Variants in RORA observed in about 807,000 individuals in gnomAD.
RORA encodes the protein nuclear receptor ROR-alpha.
A neutral mutation model predicts 69.5 loss-of-function variants in RORA; 7 were observed. The ratio of observed to expected loss-of-function variants is 0.10; its 90% CI spans 0.06 to 0.19. The LOEUF is 0.19. Among genes scored for constraint, RORA ranks in the 10% least tolerant of loss-of-function variants. The probability of loss-of-function intolerance (pLI) is 1.00; values close to 1 mark genes in which losing one functional copy is unlikely to be tolerated. For synonymous variants in RORA, 261 were observed against 240.8 expected (o/e 1.08, Z -0.78); for missense variants, 457 against 663.0 (o/e 0.69, Z 3.41).
intron 1 of RORA, among the ~76,000 whole-genome samples, chr15:60,975,087 G>A (rs990634276): frequency 1.3e-5 from 2 of 152,164 alleles, no homozygotes; most frequent in Admixed American, 1.3e-4. Flanking sequence ...ATTTCAACAA[G>A]GGAAGAAGCA....
intron 1 of RORA, among the ~76,000 whole-genome samples, chr15:60,694,379 T>A (rs1385551925): frequency 6.6e-6 from 1 of 152,188 alleles, no homozygotes; most frequent in African/African-American, 2.4e-5. Context: ...AAGATGAGCA[T>A]CTGAATTCTG....
At chr15:60,752,564 T>C (rs1256600546) in intron 1 of RORA, among the ~76,000 whole-genome samples, 2 of 152,024 alleles carry the variant, frequency 1.3e-5, no homozygotes, top group East Asian at 1.9e-4. Context: ...TCAAATTAAT[T>C]TGCCGCCGAG....
At chr15:61,194,604 T>A (rs1009071766) in intron 1 of RORA, among the ~76,000 whole-genome samples, 9 of 152,104 alleles carry the variant, frequency 5.9e-5, no homozygotes, top group African/African-American at 2.2e-4. Context: ...AAGGCAGTAT[T>A]CCACATACAT....
At chr15:61,195,360 G>A (rs2079837743) in intron 1 of RORA, among the ~76,000 whole-genome samples, 1 of 151,758 alleles carries the variant, frequency 6.6e-6, no homozygotes, top group African/African-American at 2.4e-5. Flanking sequence ...CTTCCCAGAG[G>A]TCTGCAGGTC....
chr15:61,215,253 T>C (rs2080030362), intron 1 of RORA, among the ~76,000 whole-genome samples: 1 of 152,064 alleles, frequency 6.6e-6, no homozygotes, highest in South Asian at 2.1e-4. Context: ...TCAGGTCCTA[T>C]TTCTGCTCTT....
chr15:60,513,733 C>T (rs993425410), intron 4 of RORA, among the ~76,000 whole-genome samples: 5 of 152,168 alleles, frequency 3.3e-5, no homozygotes, highest in Admixed American at 1.3e-4. Context: ...AAAGTGAACT[C>T]GTGCCTATGT....
chr15:61,032,711 C>G (rs1318268409), intron 1 of RORA, among the ~76,000 whole-genome samples: 3 of 152,282 alleles, frequency 2.0e-5, no homozygotes, highest in South Asian at 2.1e-4. Context: ...CTACCTATTC[C>G]TGCCCTGGCT....
At position 60,496,298 on chromosome 15, in the gene RORA, T is replaced by C. The variant is rs1030293950; in HGVS notation, c.*1157A>G. 6.6e-5 allele frequency: 10 copies of C among 152,190 alleles called. No individual in the cohort carries two copies. Among genetic ancestry groups the C allele is most frequent in the Admixed American group, 5.9e-4 (9 of 15,280 alleles). 9.4% of individuals were successfully genotyped at this position (152,190 alleles called of 1,614,324 possible). A position where few individuals can be genotyped will look rare whatever the true frequency, so the allele number is the denominator to read the frequency against. ...GGATATAATCTTTGGGTCCTTCTTA[T>C]AATAAAAGCTAGATTCCAATAAATA... On this transcript the variant is annotated 3_prime_UTR_variant, in exon 11 of 11. Coordinates refer to ENST00000335670, the MANE Select transcript of RORA (RefSeq NM_134261.3). The surrounding 1 kb of genome is among the most constrained non-coding windows in gnomAD (Gnocchi z 4.5).
At chr15:60,585,324 G>A (rs1197149444) in intron 2 of RORA, among the ~76,000 whole-genome samples, 1 of 152,072 alleles carries the variant, frequency 6.6e-6, no homozygotes, top group African/African-American at 2.4e-5. Flanking sequence ...AATGCTTGTC[G>A]CTACCTCATG....
At chr15:60,824,774 A>G (rs965883557) in intron 1 of RORA, among the ~76,000 whole-genome samples, 2 of 152,218 alleles carry the variant, frequency 1.3e-5, no homozygotes, top group African/African-American at 4.8e-5. Flanking sequence ...TTGGAAACCA[A>G]ACCTAATCTC....
intron 1 of RORA, among the ~76,000 whole-genome samples, chr15:60,841,603 T>C (rs1192447781): frequency 6.6e-6 from 1 of 152,208 alleles, no homozygotes; most frequent in East Asian, 1.9e-4. Context: ...TTTCTGTTTT[T>C]CCTGGAGGGA....
intron 1 of RORA, among the ~76,000 whole-genome samples, chr15:60,925,968 G>A (rs1391287208): frequency 6.6e-6 from 1 of 152,194 alleles, no homozygotes; most frequent in East Asian, 1.9e-4. Flanking sequence ...AAAATGCTGA[G>A]GCCATATCTG....
chr15:60,505,459 C>G, intron 6 of RORA, 49 bp downstream of exon 6: 1 of 1,600,396 alleles, frequency 6.2e-7, no homozygotes. Flanking sequence ...TACCAACACC[C>G]TTCCCAATAT....
At chr15:60,769,697 C>T (rs914218987) in intron 1 of RORA, among the ~76,000 whole-genome samples, 6 of 152,028 alleles carry the variant, frequency 3.9e-5, no homozygotes, top group African/African-American at 9.7e-5. Flanking sequence ...GGAATCACCT[C>T]GGAAAACTCA....
chr15:60,643,229 A>G (rs1031825309), intron 2 of RORA, among the ~76,000 whole-genome samples: 3 of 152,176 alleles, frequency 2.0e-5, no homozygotes, highest in African/African-American at 7.2e-5. Context: ...TATGTATTCT[A>G]TGTTGGTTAA....
rs1171737910 is a variant in RORA at position 60,511,386 on chromosome 15, G to C, written c.660C>G (p.Ser220Arg). ...EGSKADSAVS[S>R]FYLDIQPSPD... ...GGGAAGGCTGTATGTCCAGGTAGAA[G>C]CTGCTGACGGCGGAGTCTGCCTTAC... Residue 220 changes from serine to arginine, a missense_variant, in exon 5 of 11, where the codon AGC becomes AGG. Ser to Arg is a moderately radical substitution (Grantham distance 110). Transcript: ENST00000335670. The surrounding 1 kb of genome is among the most constrained non-coding windows in gnomAD (Gnocchi z 6.4). 3.7e-6 allele frequency: 6 copies of C among 1,614,100 alleles called. No individual in the cohort carries two copies. The East Asian group carries it at 1.1e-4, about 30-fold the overall frequency.
chr15:60,591,989 G>T (rs1567111115), intron 2 of RORA, among the ~76,000 whole-genome samples: 2 of 152,070 alleles, frequency 1.3e-5, no homozygotes, highest in Admixed American at 1.3e-4. Context: ...GCTGTCCCGG[G>T]TGCGGGCCCT....
At chr15:60,755,624 C>G (rs1329575857) in intron 1 of RORA, among the ~76,000 whole-genome samples, 2 of 152,190 alleles carry the variant, frequency 1.3e-5, no homozygotes, top group African/African-American at 4.8e-5. Flanking sequence ...GTTCCTATTT[C>G]TCCACATCCT....
chr15:60,572,408 G>A (rs1411407969), intron 2 of RORA, among the ~76,000 whole-genome samples: 1 of 152,074 alleles, frequency 6.6e-6, no homozygotes, highest in African/African-American at 2.4e-5. Flanking sequence ...TCTGGGCATA[G>A]TGAACCATAA....
Sources: allele counts gnomAD v4.1 joint callset (sites outside exome capture counted in the v4.1 genomes callset), GRCh38; gene constraint gnomAD v4.1.1; non-coding constraint Gnocchi (gnomAD v3.1); transcripts MANE v1.5; gene names NCBI Gene and HGNC (gene_info 2026-07-23, HGNC 2026-07-21).